Variants in BPIFB6 observed in about 807,000 individuals in gnomAD.
The protein encoded by BPIFB6 is BPI fold containing family B member 6.
BPIFB6 carries 47 observed loss-of-function variants against 54.7 expected under a neutral mutation model. That is an observed-to-expected ratio of 0.86 (90% CI 0.68 to 1.10). The LOEUF is 1.10. Ranked by LOEUF, BPIFB6 falls within the 50% of genes least tolerant of loss-of-function variation. The pLI, the probability that BPIFB6 is intolerant of heterozygous loss-of-function variation, is 0.00. For synonymous variants in BPIFB6, 255 were observed against 225.9 expected (o/e 1.13, Z -1.16); for missense variants, 603 against 564.1 (o/e 1.07, Z -0.70).
At chr20:33,042,061 TG>T in intron 12 of BPIFB6, 46 bp downstream of exon 12, 1 of 1,580,358 alleles carries the variant, frequency 6.3e-7, no homozygotes, top group East Asian at 2.2e-5. Flanking sequence ...AGGACAAGAC[TG>T]GGCCTATTCT....
chr20:33,040,208 G>A, intron 10 of BPIFB6, 43 bp from the exon 11 acceptor site: 1 of 1,583,966 alleles, frequency 6.3e-7, no homozygotes, highest in Non-Finnish European at 8.7e-7. Flanking sequence ...CCTGATGGTG[G>A]GGAACCCACT....
chr20:33,041,084 G>T (rs1282329810), intron 11 of BPIFB6, among the ~76,000 whole-genome samples: 1 of 151,258 alleles, frequency 6.6e-6, no homozygotes, highest in Non-Finnish European at 1.5e-5. Context: ...CCGCCTCCCG[G>T]GTTCATGCCA....
intron 2 of BPIFB6, 85 bp from the exon 3 acceptor site, chr20:33,034,101 C>G: frequency 2.1e-6 from 2 of 939,676 alleles, no homozygotes; most frequent in Non-Finnish European, 3.5e-6. Context: ...TATCGAAAGT[C>G]TTCCCAGTAA....
chr20:33,033,671 G>T (rs1309332947), intron 2 of BPIFB6: 10 of 455,904 alleles, frequency 2.2e-5, no homozygotes, highest in African/African-American at 1.4e-4. Flanking sequence ...TCAAACAGGG[G>T]TGATTTTGCC....
intron 11 of BPIFB6, 52 bp downstream of exon 11, chr20:33,040,370 T>C: frequency 6.4e-7 from 1 of 1,556,820 alleles, no homozygotes; most frequent in Non-Finnish European, 8.8e-7. Flanking sequence ...ACATTTGGCC[T>C]TCTGATCTAG....
intron 5 of BPIFB6, 33 bp from the exon 6 acceptor site, chr20:33,035,579 A>G: frequency 6.2e-7 from 1 of 1,611,222 alleles, no homozygotes; most frequent in Non-Finnish European, 8.5e-7. Flanking sequence ...CCATGCAGGG[A>G]CCCTCTCAGC....
At chr20:33,032,172 C>A (rs1454102148) in intron 1 of BPIFB6, among the ~76,000 whole-genome samples, 4 of 152,202 alleles carry the variant, frequency 2.6e-5, no homozygotes, top group Non-Finnish European at 5.9e-5. Flanking sequence ...GGTGACCAGT[C>A]TGTCCCTAGC....
chr20:33,040,954 G>A (rs12481128), intron 11 of BPIFB6, among the ~76,000 whole-genome samples: 3 of 151,100 alleles, frequency 2.0e-5, no homozygotes, highest in African/African-American at 7.3e-5. Context: ...GGAATCCTTG[G>A]CTCATATAAC....
intron 11 of BPIFB6, 152 bp downstream of exon 11, chr20:33,040,470 G>C: frequency 1.4e-6 from 1 of 698,016 alleles, no homozygotes; most frequent in Non-Finnish European, 2.5e-6. Context: ...ACCCTCAATG[G>C]CTCCTCATTG....
At position 33,038,980 on chromosome 20, in the gene BPIFB6, C is replaced by T. The variant is rs1979461836; in HGVS notation, c.900+18C>T. ...TTCCTGAAGTGAGTGCCCCACCTCC[C>T]CATCACCACTGCACCCTGTCCTGCC... is the stretch of plus-strand genomic sequence containing the variant. On this transcript the variant is annotated intron_variant, in intron 9 of 14. Transcript: ENST00000349552. 17 of 1,613,768 alleles carry T rather than the reference C, an allele frequency of 1.1e-5. No individual in the cohort carries two copies. The highest frequency in any genetic ancestry group is 1.4e-5 in the Non-Finnish European group (16 of 1,179,750).
intron 14 of BPIFB6, 125 bp from the exon 15 acceptor site, chr20:33,043,890 C>T (rs897007824): frequency 8.3e-7 from 1 of 1,211,942 alleles, no homozygotes; most frequent in African/African-American, 1.5e-5. Flanking sequence ...CAAGGCAAGT[C>T]TACTTCAACC....
At chr20:33,039,011 G>T (rs765867722) in intron 9 of BPIFB6, 49 bp downstream of exon 9, 28 of 1,589,316 alleles carry the variant, frequency 1.8e-5, no homozygotes, top group Non-Finnish European at 2.2e-5. Context: ...CTGCCCTATT[G>T]TCCTCCAGTC....
intron 6 of BPIFB6, 129 bp downstream of exon 6, chr20:33,035,801 T>C (rs962910076): frequency 9.3e-6 from 9 of 968,368 alleles, no homozygotes; most frequent in African/African-American, 8.0e-5. Context: ...CTTGAGGTCA[T>C]GATGTTCATC....
chr20:33,033,457 A>G (rs1355663000), intron 2 of BPIFB6: 1 of 455,060 alleles, frequency 2.2e-6, no homozygotes, highest in Non-Finnish European at 4.4e-6. Flanking sequence ...GACAAGAGGA[A>G]ACTGGTTCCT....
Position 33,040,330 on chromosome 20 carries a change from C to A in BPIFB6, c.1142+12C>A. On this transcript the variant is annotated intron_variant, in intron 11 of 14. Transcript: ENST00000349552. The stretch of plus-strand genomic sequence containing the variant: ...ACTTCTTTGGACAGGTACGACCCTG[C>A]TGCCCAATGCTGGCATCCCTGTTAC... 6.2e-7 allele frequency: 1 copy of A among 1,612,794 alleles called. No homozygotes were observed. Among genetic ancestry groups the A allele is most frequent in the South Asian group, 1.1e-5 (1 of 91,020 alleles).
At chr20:33,041,885 G>T in intron 11 of BPIFB6, 85 bp from the exon 12 acceptor site, 1 of 1,287,968 alleles carries the variant, frequency 7.8e-7, no homozygotes, top group Non-Finnish European at 1.1e-6. Context: ...TGGGGTGCTT[G>T]GGACCCCCTT....
rs145252415 is a variant in BPIFB6 at position 33,034,725 on chromosome 20, C to CAG, written c.303-34_303-33dup. 7.4e-4 allele frequency: 1,167 copies of CAG among 1,567,848 alleles called. 6 individuals carry two copies. In the African/African-American group the frequency reaches 0.014, roughly 19 times the overall value. ...AAGGCAGGGAGAGCGGACACCATGGCAGAGATGCCCATGGTGCCCTCCTGC... is the reference window on the plus strand; with the variant it reads ...AAGGCAGGGAGAGCGGACACCATGGCAGAGAGATGCCCATGGTGCCCTCCTGC... On this transcript the variant is annotated intron_variant, in intron 3 of 14. Coordinates refer to ENST00000349552, the MANE Select transcript of BPIFB6 (RefSeq NM_174897.2).
At chr20:33,038,884 C>A (rs1197706648) in intron 8 of BPIFB6, 25 bp from the exon 9 acceptor site, 54 of 1,613,550 alleles carry the variant, frequency 3.3e-5, no homozygotes, top group Non-Finnish European at 4.3e-5. Context: ...CTCCAGCAAC[C>A]CTAACCTTGA....
chr20:33,035,794 G>A, intron 6 of BPIFB6, 122 bp downstream of exon 6: 5 of 1,044,986 alleles, frequency 4.8e-6, no homozygotes, highest in Non-Finnish European at 5.9e-6. Flanking sequence ...GAGGAGGCTT[G>A]AGGTCATGAT....
Sources: gnomAD v4.1 joint callset for allele counts (sites outside exome capture counted in the v4.1 genomes callset) on GRCh38, gnomAD v4.1.1 for gene constraint, MANE v1.5 for transcripts, NCBI Gene and HGNC (gene_info 2026-07-23, HGNC 2026-07-21) for gene names.